The following ZNF385B variants were observed in gnomAD, a reference collection of about 807,000 sequenced individuals.
The protein encoded by ZNF385B is zinc finger protein 385B, also known as zinc finger protein 533.
ZNF385B carries 23 observed loss-of-function variants against 39.2 expected under a neutral mutation model. That is an observed-to-expected ratio of 0.59 (90% CI 0.42 to 0.83). The LOEUF (loss-of-function observed/expected upper bound fraction) is 0.83, where lower values mean the gene tolerates loss of function less well. Among genes scored for constraint, ZNF385B ranks in the 40% least tolerant of loss-of-function variants. The probability of loss-of-function intolerance (pLI) is 0.00; values close to 1 mark genes in which losing one functional copy is unlikely to be tolerated. For synonymous variants in ZNF385B, 205 were observed against 222.6 expected, an observed-to-expected ratio of 0.92 and a Z score of 0.70; for missense variants, 552 against 598.9, an observed-to-expected ratio of 0.92 and a Z score of 0.82.
At chr2:179,652,404 G>C (rs1457105105) in intron 3 of ZNF385B, among the ~76,000 whole-genome samples, 1 of 152,150 alleles carries the variant, frequency 6.6e-6, no homozygotes, top group East Asian at 1.9e-4. Flanking sequence ...ATGTCAAGGA[G>C]TTGAACAGTT....
chr2:179,646,278 G>A (rs1692710828), intron 3 of ZNF385B, among the ~76,000 whole-genome samples: 1 of 152,204 alleles, frequency 6.6e-6, no homozygotes, highest in African/African-American at 2.4e-5. Context: ...AGCTGGATAT[G>A]GTGGCAGGCA....
chr2:179,672,334 G>T (rs1696130108), intron 3 of ZNF385B, among the ~76,000 whole-genome samples: 1 of 152,312 alleles, frequency 6.6e-6, no homozygotes, highest in East Asian at 1.9e-4. Context: ...AGGGGAATTT[G>T]CCTCAGAATA....
chr2:179,641,249 C>G (rs184221033), intron 3 of ZNF385B, among the ~76,000 whole-genome samples: 1 of 152,028 alleles, frequency 6.6e-6, no homozygotes, highest in Non-Finnish European at 1.5e-5. Context: ...TTTTTTTAGC[C>G]TGAAGGAACG....
At chr2:179,835,514 G>A (rs943657630) in intron 1 of ZNF385B, among the ~76,000 whole-genome samples, 5 of 152,062 alleles carry the variant, frequency 3.3e-5, no homozygotes, top group Non-Finnish European at 7.4e-5. Flanking sequence ...GTGGTGGGGG[G>A]GCCAGGAAAA....
chr2:179,823,949 C>T (rs1559227396), intron 1 of ZNF385B, among the ~76,000 whole-genome samples: 1 of 152,066 alleles, frequency 6.6e-6, no homozygotes, highest in Non-Finnish European at 1.5e-5. Flanking sequence ...CAGGTATTTA[C>T]TAGTTGGTGT....
At chr2:179,577,062 T>C (rs1399512468) in intron 3 of ZNF385B, among the ~76,000 whole-genome samples, 1 of 152,102 alleles carries the variant, frequency 6.6e-6, no homozygotes, top group African/African-American at 2.4e-5. Flanking sequence ...TAAAAATATA[T>C]TGAGGCAGTA....
chr2:179,751,356 T>C (rs1702662880), intron 3 of ZNF385B, among the ~76,000 whole-genome samples: 1 of 152,100 alleles, frequency 6.6e-6, no homozygotes, highest in African/African-American at 2.4e-5. Flanking sequence ...GTGAAGAAAC[T>C]ATCATACTTT....
intron 6 of ZNF385B, among the ~76,000 whole-genome samples, chr2:179,461,874 G>A (rs1303075891): frequency 2.0e-5 from 3 of 152,080 alleles, no homozygotes; most frequent in Admixed American, 2.0e-4. Flanking sequence ...CTAAATCCAT[G>A]CCATTTATCA....
chr2:179,512,909 T>C (rs575788855), intron 5 of ZNF385B, among the ~76,000 whole-genome samples: 38 of 152,312 alleles, frequency 2.5e-4, no homozygotes, highest in African/African-American at 8.9e-4. Context: ...AGCTGTAGCA[T>C]TTTGCTTTTC....
intron 1 of ZNF385B, among the ~76,000 whole-genome samples, chr2:179,817,141 C>A (rs11680455): frequency 6.6e-6 from 1 of 152,064 alleles, no homozygotes; most frequent in South Asian, 2.1e-4. Context: ...AACTGCCCAC[C>A]TTTTCATTGT....
At chr2:179,835,215 A>G (rs753154386) in intron 1 of ZNF385B, among the ~76,000 whole-genome samples, 9 of 152,238 alleles carry the variant, frequency 5.9e-5, no homozygotes, top group Non-Finnish European at 1.0e-4. Flanking sequence ...GAAACGCTTT[A>G]GCAAAAACAA....
intron 3 of ZNF385B, among the ~76,000 whole-genome samples, chr2:179,607,311 G>A (rs1244949265): frequency 2.6e-5 from 4 of 152,090 alleles, no homozygotes; most frequent in Non-Finnish European, 4.4e-5. Flanking sequence ...GAAGTGATTG[G>A]ATCATGGGGG....
intron 3 of ZNF385B, among the ~76,000 whole-genome samples, chr2:179,631,364 T>G (rs1691197715): frequency 2.0e-5 from 3 of 152,140 alleles, no homozygotes; most frequent in African/African-American, 7.2e-5. Flanking sequence ...GCGGTCAATA[T>G]TCAACATTAT....
chr2:179,494,799 A>G (rs540365090), intron 5 of ZNF385B, among the ~76,000 whole-genome samples: 115 of 152,318 alleles, frequency 7.5e-4, no homozygotes, highest in Admixed American at 2.4e-3. Context: ...TTATTTGTAG[A>G]CAAGTGCCTA....
intron 3 of ZNF385B, among the ~76,000 whole-genome samples, chr2:179,651,503 G>A (rs756788848): frequency 2.6e-5 from 4 of 151,934 alleles, no homozygotes; most frequent in South Asian, 2.1e-4. Flanking sequence ...AACACACCAC[G>A]CATAATATTT....
chr2:179,629,775 G>A (rs1312570511), intron 3 of ZNF385B, among the ~76,000 whole-genome samples: 8 of 152,260 alleles, frequency 5.3e-5, no homozygotes, highest in South Asian at 2.1e-4. Context: ...AAGGGAAGCC[G>A]TCACAGACTA....
chr2:179,788,872 A>G (rs1705161622), intron 1 of ZNF385B, among the ~76,000 whole-genome samples: 1 of 152,168 alleles, frequency 6.6e-6, no homozygotes, highest in Non-Finnish European at 1.5e-5. Context: ...GTTGGAGTTG[A>G]TGTGAAATAG....
At position 179,445,619 on chromosome 2, in the gene ZNF385B, T is replaced by C; in HGVS notation, c.1071A>G (p.Gly357=). 1 of 1,614,082 alleles carries C rather than the reference T, an allele frequency of 6.2e-7. No homozygotes were observed. The highest frequency in any genetic ancestry group is 1.7e-4 in the Middle Eastern group (1 of 6,058). ...LKMQNGSKGS[G]LQNKTFHCEI... is the part of the protein sequence containing the mutation. ...CACAATGAAATGTCTTGTTCTGTAG[T>C]CCTGACCCCTTACTGCCATTCTGCA... Residue 357 remains glycine, a synonymous_variant, in exon 8 of 10, where the codon GGA becomes GGG. Transcript: ENST00000410066.
intron 1 of ZNF385B, among the ~76,000 whole-genome samples, chr2:179,818,667 T>A (rs7597666): frequency 0.46 from 69,443 of 151,970 alleles, 16,572 homozygotes; most frequent in African/African-American, 0.55. Context: ...CTACAACTTG[T>A]TTTTTGATTC....
Sources: gnomAD v4.1 joint callset for allele counts (sites outside exome capture counted in the v4.1 genomes callset) on GRCh38, gnomAD v4.1.1 for gene constraint, MANE v1.5 for transcripts, NCBI Gene and HGNC (gene_info 2026-07-23, HGNC 2026-07-21) for gene names.